PTH2R: variants seen among roughly 807,000 people sequenced by gnomAD.
PTH2R encodes the protein parathyroid hormone 2 receptor.
PTH2R carries 59 observed loss-of-function variants against 60.3 expected under a neutral mutation model. That is an observed-to-expected ratio of 0.98 (90% confidence interval 0.79 to 1.22). The LOEUF (loss-of-function observed/expected upper bound fraction) is 1.22. Ranked by LOEUF, PTH2R falls within the 50% of genes most tolerant of loss-of-function variation. The probability of loss-of-function intolerance (pLI) is 0.00; values close to 1 mark genes in which losing one functional copy is unlikely to be tolerated. For synonymous variants in PTH2R, 256 were observed against 243.8 expected (o/e 1.05, Z -0.47); for missense variants, 749 against 682.6 (o/e 1.10, Z -1.08).
chr2:208,397,355 A>G lies in PTH2R; in HGVS notation c.-258-30846A>G, dbSNP rs560992074. Reference sequence around the variant, plus strand: ...CCTTGGAATGACAGAACAGATTTTAAGCTTACTCCCATACTTACCACTCTG... The same window carrying G: ...CCTTGGAATGACAGAACAGATTTTAGGCTTACTCCCATACTTACCACTCTG... On this transcript the variant is annotated intron_variant, in intron 1 of 12. Transcript: ENST00000617735. Among the ~76,000 whole-genome samples the G allele has an allele frequency of 6.9e-4, 105 of 152,230 alleles. 1 individual carries two copies. The highest frequency in any genetic ancestry group is 3.4e-3 in the Middle Eastern group (1 of 294).
chr2:208,408,740 A>AGAGAGAGAGAGAGAG (rs1553542827), intron 1 of PTH2R, among the ~76,000 whole-genome samples: 10 of 123,354 alleles, frequency 8.1e-5, no homozygotes, highest in African/African-American at 3.9e-4. Context: ...GAGAGAGAGA[A>AGAGAGAGAGAGAGAG]AGAGAGAGAG....
At chr2:208,432,271 A>G (rs1237293286) in intron 2 of PTH2R, among the ~76,000 whole-genome samples, 1 of 152,196 alleles carries the variant, frequency 6.6e-6, no homozygotes, top group Non-Finnish European at 1.5e-5. Context: ...TAAGCTCTAA[A>G]AAGTATGAAT....
chr2:208,360,149 T>C, exon 1 of PTH2R: 1 of 442,256 alleles, frequency 2.3e-6, no homozygotes, highest in South Asian at 1.6e-5. Context: ...AAGCAGTTTG[T>C]CACCAGCATA....
chr2:208,444,472 A>T (rs1230537316), intron 6 of PTH2R, among the ~76,000 whole-genome samples: 2 of 152,226 alleles, frequency 1.3e-5, no homozygotes, highest in African/African-American at 4.8e-5. Flanking sequence ...ATTTTTATAA[A>T]GTGAAAAAAT....
At chr2:208,444,693 A>G in intron 6 of PTH2R, 41 bp from the exon 7 acceptor site, 5 of 1,584,856 alleles carry the variant, frequency 3.2e-6, no homozygotes, top group Admixed American at 1.8e-5. Context: ...CAGTACAACA[A>G]AGTGTTCTAA....
chr2:208,368,678 A>G (rs1353834427), intron 1 of PTH2R, among the ~76,000 whole-genome samples: 1 of 152,208 alleles, frequency 6.6e-6, no homozygotes. Context: ...CAATGTAAAT[A>G]TACCTGGTGA....
intron 4 of PTH2R, among the ~76,000 whole-genome samples, chr2:208,441,873 G>A (rs1235409604): frequency 6.6e-6 from 1 of 152,098 alleles, no homozygotes; most frequent in East Asian, 1.9e-4. Context: ...GGAGAATACT[G>A]GGTGAAGGGA....
chr2:208,404,891 A>G (rs1701373497), upstream of PTH2R, among the ~76,000 whole-genome samples: 1 of 152,228 alleles, frequency 6.6e-6, no homozygotes, highest in Non-Finnish European at 1.5e-5. Context: ...AGGCACTCAG[A>G]GAAAAGACTG....
At chr2:208,442,501 T>C (rs372583014) in intron 5 of PTH2R, 40 bp downstream of exon 5, 224 of 1,440,822 alleles carry the variant, frequency 1.6e-4, no homozygotes, top group Non-Finnish European at 2.1e-4. Flanking sequence ...AGGGGCACAT[T>C]GTCTTTCCTA....
chr2:208,388,140 C>CG (rs1553541032), intron 1 of PTH2R, among the ~76,000 whole-genome samples: 4 of 149,576 alleles, frequency 2.7e-5, no homozygotes, highest in Admixed American at 6.6e-5. Flanking sequence ...AAACCCCCCC[C>CG]CCCGTCTCTA....
intron 1 of PTH2R, among the ~76,000 whole-genome samples, chr2:208,362,796 C>T (rs777919342): frequency 2.0e-5 from 3 of 151,810 alleles, no homozygotes; most frequent in Non-Finnish European, 2.9e-5. Context: ...ACCAAGAGTG[C>T]ACAGGGTTTC....
At chr2:208,468,854 C>T (rs1032078233) in intron 9 of PTH2R, among the ~76,000 whole-genome samples, 4 of 151,996 alleles carry the variant, frequency 2.6e-5, no homozygotes, top group African/African-American at 4.8e-5. Flanking sequence ...ACTTATGATA[C>T]CTAGAGCTTA....
chr2:208,436,437 A>C (rs34507179), intron 2 of PTH2R, among the ~76,000 whole-genome samples: 1 of 152,164 alleles, frequency 6.6e-6, no homozygotes, highest in South Asian at 2.1e-4. Flanking sequence ...AAGCAGGTTT[A>C]CTGTGCACTA....
intron 2 of PTH2R, among the ~76,000 whole-genome samples, chr2:208,431,443 G>C (rs1007385403): frequency 6.6e-6 from 1 of 152,112 alleles, no homozygotes. Context: ...CAACTCATGA[G>C]GTTCTTGTTT....
intron 8 of PTH2R, among the ~76,000 whole-genome samples, chr2:208,453,064 C>T (rs1448533105): frequency 6.6e-6 from 1 of 152,178 alleles, no homozygotes; most frequent in Non-Finnish European, 1.5e-5. Flanking sequence ...CAAGAGTACA[C>T]AGTGGAAAAT....
chr2:208,490,203 C>T (rs568423501), intron 11 of PTH2R, among the ~76,000 whole-genome samples: 3 of 152,226 alleles, frequency 2.0e-5, no homozygotes, highest in African/African-American at 7.2e-5. Context: ...TGAACAGCTA[C>T]CACACTGCAT....
intron 1 of PTH2R, among the ~76,000 whole-genome samples, chr2:208,416,045 C>T (rs191692117): frequency 3.9e-5 from 6 of 152,144 alleles, no homozygotes; most frequent in Admixed American, 3.3e-4. Flanking sequence ...TTCCTTGGCC[C>T]TTGATGAGTA....
At chr2:208,475,026 TG>T (rs1212484772) in intron 9 of PTH2R, among the ~76,000 whole-genome samples, 2 of 152,182 alleles carry the variant, frequency 1.3e-5, no homozygotes, top group Non-Finnish European at 2.9e-5. Context: ...CTGGTGAGCT[TG>T]GGCAGCAAGC....
At chr2:208,487,750 A>G (rs1442254593) in intron 10 of PTH2R, among the ~76,000 whole-genome samples, 2 of 152,144 alleles carry the variant, frequency 1.3e-5, no homozygotes, top group Admixed American at 1.3e-4. Context: ...GGAAGAATCT[A>G]CTTCTAAGTT....
Sources: gnomAD v4.1 joint callset for allele counts (sites outside exome capture counted in the v4.1 genomes callset) on GRCh38, gnomAD v4.1.1 for gene constraint, MANE v1.5 for transcripts, NCBI Gene and HGNC (gene_info 2026-07-23, HGNC 2026-07-21) for gene names.